ZSCAN18: variants seen among roughly 807,000 people sequenced by gnomAD.
The protein encoded by ZSCAN18 is zinc finger and SCAN domain-containing protein 18.
In ZSCAN18, 16 loss-of-function variants were observed where a neutral mutation model predicts 31.1. The ratio of observed to expected loss-of-function variants is 0.51; its 90% CI spans 0.35 to 0.78. The LOEUF is 0.78. Among genes scored for constraint, ZSCAN18 ranks in the 30% least tolerant of loss-of-function variants. The probability of loss-of-function intolerance (pLI) is 0.01; values close to 1 mark genes in which losing one functional copy is unlikely to be tolerated. For synonymous variants in ZSCAN18, 375 were observed against 320.7 expected (o/e 1.17, Z -1.81); for missense variants, 731 against 697.4 (o/e 1.05, Z -0.54).
intron 1 of ZSCAN18, among the ~76,000 whole-genome samples, chr19:58,111,537 T>G (rs974133964): frequency 6.6e-6 from 1 of 151,964 alleles, no homozygotes; most frequent in Non-Finnish European, 1.5e-5. Context: ...TTTTGTTTTT[T>G]TTTTTTAAAT....
At chr19:58,100,923 G>A (rs1480571971), upstream of ZSCAN18, among the ~76,000 whole-genome samples, 2 of 152,006 alleles carry the variant, frequency 1.3e-5, no homozygotes, top group Admixed American at 6.6e-5. Context: ...CACCACAGAT[G>A]GCCAATTGTT....
upstream of ZSCAN18, chr19:58,098,442 G>T: frequency 1.1e-6 from 1 of 903,114 alleles, no homozygotes; most frequent in Non-Finnish European, 1.3e-6. Context: ...AAACAAGCGG[G>T]TAAATAATAG....
chr19:58,092,773 T>C (rs1248130191), intron 1 of ZSCAN18: 1 of 492,112 alleles, frequency 2.0e-6, no homozygotes, highest in South Asian at 8.7e-5. Context: ...TACCTCTACT[T>C]TTTTTTTTTT....
chr19:58,092,624 T>A (rs2145992410), intron 1 of ZSCAN18: 21 of 583,338 alleles, frequency 3.6e-5, no homozygotes, highest in Non-Finnish European at 4.3e-5. Context: ...GAGTCAACTA[T>A]CAACCTCTCT....
At position 58,090,663 on chromosome 19, in the gene ZSCAN18, C is replaced by T. The variant is rs890419817; in HGVS notation, c.-119-277G>A. ...GGAGTGCAGTGGCGCAATCTCGGCT[C>T]AATGCAACCTCTACCTCCCGGGTTC... On this transcript the variant is annotated intron_variant, in intron 1 of 6. Coordinates refer to ENST00000601144, the MANE Select transcript of ZSCAN18 (RefSeq NM_001145543.2). This position sits in a 1 kb window ranked among gnomAD's most constrained non-coding sequence, Gnocchi z 4.7. 4.9e-5 allele frequency: 15 copies of T among 304,328 alleles called. No homozygotes were observed. Among genetic ancestry groups the T allele is most frequent in the East Asian group, 4.1e-4 (7 of 17,262 alleles). The allele number at this position is 304,328 out of a possible 1,614,324, so 18.9% of individuals were successfully genotyped here. A position where few individuals can be genotyped will look rare whatever the true frequency, so the allele number is the denominator to read the frequency against.
chr19:58,094,333 C>A (rs544657207), intron 1 of ZSCAN18, among the ~76,000 whole-genome samples: 11 of 151,768 alleles, frequency 7.2e-5, no homozygotes, highest in African/African-American at 2.7e-4. Flanking sequence ...ATGGTGTGAA[C>A]CCGGCAGGCG....
chr19:58,086,144 G>T (rs146909988), intron 6 of ZSCAN18, 30 bp downstream of exon 6: 1 of 1,607,282 alleles, frequency 6.2e-7, no homozygotes, highest in Non-Finnish European at 8.5e-7. Flanking sequence ...AACCCCACCC[G>T]GCCCTAACAC....
rs190488603 is a variant in ZSCAN18, at chr19:58,087,328, G to A, written c.630C>T (p.Ala210=). ...CGTGCCCACCCACCTGCTCGGTGTT[G>A]GCAGGGCCGTCCTCTTCGGTCTTTG... The part of the protein sequence containing the change: ...REAKTEEDGP[A]NTEQKLKSFP... The change falls in exon 4 of 7, where the codon GCC becomes GCT. Residue 210 remains alanine, a synonymous_variant. Transcript: ENST00000601144. The A allele has an allele frequency of 5.0e-6, 8 of 1,606,256 alleles. No homozygotes were observed. In the African/African-American group the frequency reaches 1.1e-4, roughly 21 times the overall value.
exon 1 of ZSCAN18, chr19:58,118,355 C>A: frequency 6.5e-7 from 1 of 1,533,036 alleles, no homozygotes; most frequent in Non-Finnish European, 8.8e-7. Flanking sequence ...CACTTCCCGC[C>A]GCCGTAGCGT....
intron 2 of ZSCAN18, 106 bp from the exon 3 acceptor site, chr19:58,088,943 A>G (rs1033240475): frequency 1.9e-6 from 2 of 1,071,616 alleles, no homozygotes; most frequent in Non-Finnish European, 1.3e-6. Flanking sequence ...CCACATCACT[A>G]CCCATCCTGC....
In ZSCAN18 at chr19:58,086,778, G is replaced by C. The variant is rs536366698; in HGVS notation, c.745+128C>G. On this transcript the variant is annotated intron_variant, in intron 5 of 6. Coordinates refer to ENST00000601144, the MANE Select transcript of ZSCAN18 (RefSeq NM_001145543.2). ...AGCGAATAAATTCAAGCTCCAACAC[G>C]TGCAAGTTCAAATCCTGTAAGACAT... 5.9e-5 allele frequency: 39 copies of C among 659,770 alleles called. No homozygotes were observed. In the African/African-American group the frequency reaches 6.4e-4, roughly 11 times the overall value. 40.9% of individuals were successfully genotyped at this position (659,770 alleles called of 1,614,324 possible).
At chr19:58,094,264 A>C (rs2074475973) in intron 1 of ZSCAN18, among the ~76,000 whole-genome samples, 1 of 151,666 alleles carries the variant, frequency 6.6e-6, no homozygotes, top group African/African-American at 2.4e-5. Flanking sequence ...AATAATAATT[A>C]GCCAGGCATG....
In ZSCAN18 at chr19:58,084,800, C is replaced by T. The variant is rs754830637; in HGVS notation, c.1418G>A (p.Gly473Asp). 1 of 1,579,124 alleles carries T rather than the reference C, an allele frequency of 6.3e-7. No homozygotes were observed. Among genetic ancestry groups the T allele is most frequent in the South Asian group, 1.1e-5 (1 of 87,718 alleles). ...GGTGGACGGTTGGGGGCCCCGGGCG[C>T]CCCCCAGCGCGTAGCTTTTCTCCTT... ...HEKEKSYALG[G>D]ARGPQPSTRE... The change falls in exon 7 of 7, where the codon GGC becomes GAC. Residue 473 changes from glycine to aspartate, a missense_variant. By Grantham distance (94) the Gly-to-Asp change is moderately conservative (BLOSUM62 -1). This residue lies in a region of ZSCAN18 where 597 missense variants were observed against 499.5 expected (regional missense o/e 1.20). Transcript: ENST00000601144. This position sits in a 1 kb window ranked among gnomAD's most constrained non-coding sequence, Gnocchi z 4.5.
chr19:58,094,812 A>G (rs1380117298), intron 1 of ZSCAN18, among the ~76,000 whole-genome samples: 3 of 149,022 alleles, frequency 2.0e-5, no homozygotes, highest in Admixed American at 6.8e-5. Flanking sequence ...CAGGAGGTCA[A>G]GGCTTCAGTG....
At chr19:58,118,353 G>A (rs1241535257) in exon 1 of ZSCAN18, 70 of 1,532,632 alleles carry the variant, frequency 4.6e-5, no homozygotes, top group Non-Finnish European at 6.1e-5. Context: ...CTCACTTCCC[G>A]CCGCCGTAGC....
At chr19:58,107,869 T>C in intron 1 of ZSCAN18, 1 of 1,056,080 alleles carries the variant, frequency 9.5e-7, no homozygotes, top group South Asian at 3.8e-5. Flanking sequence ...TGTACCTTCT[T>C]GTGCTTGGTC....
At position 58,097,318 on chromosome 19, in the gene ZSCAN18, G is replaced by T. The variant is rs76057815; in HGVS notation, c.-120+856C>A. Among the ~76,000 whole-genome samples the T allele has an allele frequency of 3.3e-5, 5 of 152,020 alleles. No individual in the cohort carries two copies. The East Asian group carries it at 9.7e-4, about 29-fold the overall frequency. ...TCTGGACGGGGGTAGAGGGGGATTG[G>T]GAAAAGGAAGGAGCCCAGGAGGGTG... On this transcript the variant is annotated intron_variant, in intron 1 of 6. Coordinates refer to ENST00000601144, the MANE Select transcript of ZSCAN18 (RefSeq NM_001145543.2).
chr19:58,102,327 G>A (rs547224462), upstream of ZSCAN18, among the ~76,000 whole-genome samples: 9 of 152,116 alleles, frequency 5.9e-5, no homozygotes, highest in Non-Finnish European at 1.0e-4. Flanking sequence ...CGGGCATGGT[G>A]GCGGGCGCCT....
chr19:58,114,488 T>C (rs1486713204), intron 1 of ZSCAN18, among the ~76,000 whole-genome samples: 3 of 151,632 alleles, frequency 2.0e-5, no homozygotes, highest in Non-Finnish European at 4.4e-5. Flanking sequence ...CATGTAGACA[T>C]ACATATACTT....
Sources: gnomAD v4.1 joint callset for allele counts (sites outside exome capture counted in the v4.1 genomes callset) on GRCh38, gnomAD v4.1.1 for gene constraint, gnomAD v4.1.1 regional missense constraint, Gnocchi (gnomAD v3.1) non-coding constraint, MANE v1.5 for transcripts, NCBI Gene and HGNC (gene_info 2026-07-23, HGNC 2026-07-21) for gene names.